Variants in SOX5 observed in about 807,000 individuals in gnomAD.
SOX5 encodes transcription factor SOX-5.
In SOX5, 9 loss-of-function variants were observed where a neutral mutation model predicts 92.0. That is an observed-to-expected ratio of 0.10 (90% CI 0.06 to 0.17). The LOEUF is 0.17. SOX5 is among the 10% of genes least tolerant of loss of function. SOX5 has a pLI of 1.00. For synonymous variants in SOX5, 344 were observed against 336.3 expected (o/e 1.02, Z -0.25); for missense variants, 642 against 944.5 (o/e 0.68, Z 4.20).
intron 3 of SOX5, among the ~76,000 whole-genome samples, chr12:24,235,667 T>G (rs77074988): frequency 0.039 from 5,979 of 152,312 alleles, 130 homozygotes; most frequent in Middle Eastern, 0.054. Flanking sequence ...ATGAACTTAA[T>G]TTTTTATGAA....
At chr12:23,749,801 C>T (rs1273392479) in intron 4 of SOX5, among the ~76,000 whole-genome samples, 2 of 151,842 alleles carry the variant, frequency 1.3e-5, no homozygotes, top group Non-Finnish European at 2.9e-5. Flanking sequence ...ATTAAATCTG[C>T]TGCATTTGGA....
At chr12:24,506,782 GTCTTT>G (rs1948795108) in intron 1 of SOX5, among the ~76,000 whole-genome samples, 1 of 80,278 alleles carries the variant, frequency 1.2e-5, no homozygotes. Context: ...TATCCAAATG[GTCTTT>G]TTTTTTTTTT....
chr12:24,017,140 T>C (rs527878752), intron 4 of SOX5, among the ~76,000 whole-genome samples: 18 of 152,352 alleles, frequency 1.2e-4, no homozygotes, highest in African/African-American at 4.3e-4. Flanking sequence ...TAATTGTATT[T>C]GTCTTTTAAA....
At chr12:24,391,300 C>G (rs1000864428) in intron 1 of SOX5, among the ~76,000 whole-genome samples, 3 of 152,066 alleles carry the variant, frequency 2.0e-5, no homozygotes, top group African/African-American at 7.2e-5. Context: ...TATTTTAACA[C>G]TATTAAATTT....
chr12:23,753,573 T>TA (rs917090064), intron 4 of SOX5, among the ~76,000 whole-genome samples: 211 of 151,702 alleles, frequency 1.4e-3, no homozygotes, highest in African/African-American at 4.6e-3. Context: ...TTTCAGATTT[T>TA]AAAAAAAAGA....
intron 7 of SOX5, among the ~76,000 whole-genome samples, chr12:23,648,890 C>G (rs988926310): frequency 7.2e-5 from 11 of 152,132 alleles, no homozygotes; most frequent in African/African-American, 2.7e-4. Flanking sequence ...TATTATATAT[C>G]TTTAATCATA....
chr12:23,538,354 A>G (rs1015682877), intron 13 of SOX5, among the ~76,000 whole-genome samples: 11 of 152,202 alleles, frequency 7.2e-5, no homozygotes, highest in African/African-American at 2.2e-4. Flanking sequence ...GCCAATGTGA[A>G]TTTATTCTAT....
intron 1 of SOX5, among the ~76,000 whole-genome samples, chr12:24,556,703 T>A (rs1332167214): frequency 6.6e-6 from 1 of 152,246 alleles, no homozygotes; most frequent in Non-Finnish European, 1.5e-5. Context: ...CCTTACCTAT[T>A]ATGTAGGGTA....
chr12:23,790,540 TCAATCTCTCA>T (rs1450900902), intron 3 of SOX5, among the ~76,000 whole-genome samples: 1 of 106,702 alleles, frequency 9.4e-6, no homozygotes, highest in Non-Finnish European at 2.0e-5. Context: ...TCTCTCTCTC[TCAATCTCTCA>T]CACACACACA....
At chr12:24,315,803 AC>A (rs1949643660) in intron 2 of SOX5, among the ~76,000 whole-genome samples, 1 of 152,246 alleles carries the variant, frequency 6.6e-6, no homozygotes, top group South Asian at 2.1e-4. Flanking sequence ...ACTTTCTAGC[AC>A]GTGGTCCTCT....
At position 24,305,929 on chromosome 12, in the gene SOX5, A is replaced by T. The variant is rs149441760; in HGVS notation, c.-173-28617T>A. Among the ~76,000 whole-genome samples the T allele has an allele frequency of 9.8e-5, 15 of 152,292 alleles. 1 individual carries two copies. The highest frequency in any genetic ancestry group is 3.6e-4 in the African/African-American group (15 of 41,570). On this transcript the variant is annotated intron_variant, in intron 2 of 4. Coordinates refer to the SOX5 transcript ENST00000446891. Reference sequence around the variant, plus strand: ...GATATTTTAAAGATCTCCACCTCAGAATCCACACTTATTTTAAAAAGCAAA... The same window carrying T: ...GATATTTTAAAGATCTCCACCTCAGTATCCACACTTATTTTAAAAAGCAAA...
chr12:24,531,082 T>C (rs1050345477), intron 1 of SOX5, among the ~76,000 whole-genome samples: 12 of 152,308 alleles, frequency 7.9e-5, no homozygotes, highest in African/African-American at 2.4e-4. Flanking sequence ...AAATTATCTA[T>C]TTGCAAGCAA....
intron 4 of SOX5, among the ~76,000 whole-genome samples, chr12:23,753,662 CT>C (rs2094259306): frequency 6.6e-6 from 1 of 151,718 alleles, no homozygotes; most frequent in South Asian, 2.1e-4. Context: ...CAAAAAATAA[CT>C]TCCCAAACAA....
chr12:24,473,217 C>T (rs757759417), intron 1 of SOX5, among the ~76,000 whole-genome samples: 108 of 152,092 alleles, frequency 7.1e-4, no homozygotes, highest in African/African-American at 2.5e-3. Flanking sequence ...GAAACCAACG[C>T]TGTACTGGTA....
chr12:24,289,408 G>A (rs1233730197), intron 2 of SOX5, among the ~76,000 whole-genome samples: 6 of 151,846 alleles, frequency 4.0e-5, no homozygotes, highest in African/African-American at 1.2e-4. Context: ...TATGAGTAAA[G>A]GCACTGAAGG....
intron 10 of SOX5, among the ~76,000 whole-genome samples, chr12:23,565,097 G>T (rs1398267615): frequency 6.6e-6 from 1 of 152,048 alleles, no homozygotes; most frequent in Non-Finnish European, 1.5e-5. Context: ...TAAATTCATT[G>T]GAACTTATTC....
At chr12:24,339,165 A>C (rs189225087) in intron 2 of SOX5, among the ~76,000 whole-genome samples, 6 of 88,576 alleles carry the variant, frequency 6.8e-5, no homozygotes, top group Non-Finnish European at 1.1e-4. Context: ...TCTCTCTGCC[A>C]CACACACACA....
intron 2 of SOX5, among the ~76,000 whole-genome samples, chr12:23,895,282 A>T (rs901822800): frequency 3.3e-5 from 5 of 151,704 alleles, no homozygotes; most frequent in Admixed American, 3.3e-4. Flanking sequence ...AAATTGGTGT[A>T]TTCATATTAG....
chr12:23,797,859 G>A (rs1048513332), intron 3 of SOX5, among the ~76,000 whole-genome samples: 27 of 151,758 alleles, frequency 1.8e-4, no homozygotes, highest in African/African-American at 5.1e-4. Context: ...TCCTAACCTC[G>A]CCTCAGGTTA....
Sources: allele counts gnomAD v4.1 joint callset (sites outside exome capture counted in the v4.1 genomes callset), GRCh38; gene constraint gnomAD v4.1.1; transcripts MANE v1.5; gene names NCBI Gene and HGNC (gene_info 2026-07-23, HGNC 2026-07-21).